AZIN2: variants seen among roughly 807,000 people sequenced by gnomAD.
AZIN2 encodes antizyme inhibitor 2, also known as ODC antizyme inhibitor-2.
In AZIN2, 28 loss-of-function variants were observed where a neutral mutation model predicts 47.8. That is an observed-to-expected ratio of 0.59 (90% confidence interval 0.43 to 0.80). The LOEUF (loss-of-function observed/expected upper bound fraction) is 0.80. Ranked by LOEUF, AZIN2 falls within the 30% of genes least tolerant of loss-of-function variation. The pLI, the probability that AZIN2 is intolerant of heterozygous loss-of-function variation, is 0.00. For missense variants in AZIN2, 535 were observed against 582.5 expected (o/e 0.92, Z 0.84); for synonymous variants, 221 against 239.4 (o/e 0.92, Z 0.71).
chr1:33,126,073 T>C (rs969156535), downstream of AZIN2, among the ~76,000 whole-genome samples: 6 of 152,238 alleles, frequency 3.9e-5, no homozygotes, highest in Admixed American at 3.9e-4. Context: ...AGCCTTACTT[T>C]TTCCTCCATA....
the AZIN2 span, among the ~76,000 whole-genome samples, chr1:33,151,783 C>T: frequency 2.0e-5 from 3 of 152,248 alleles, no homozygotes; most frequent in African/African-American, 7.2e-5. Flanking sequence ...GGATCATGGA[C>T]TGTGGAGGTC....
chr1:33,112,310 A>G (rs1168305975), intron 10 of AZIN2, among the ~76,000 whole-genome samples: 4 of 152,228 alleles, frequency 2.6e-5, no homozygotes, highest in Non-Finnish European at 5.9e-5. Flanking sequence ...GAGGAGATAT[A>G]TCAGAACATA....
At chr1:33,082,500 C>T in intron 4 of AZIN2, 146 bp downstream of exon 4, 2 of 605,214 alleles carry the variant, frequency 3.3e-6, no homozygotes, top group East Asian at 3.1e-5. Flanking sequence ...CTCAATTTAT[C>T]CCCAATTCTT....
chr1:33,157,668 T>C, the AZIN2 span, among the ~76,000 whole-genome samples: 20 of 152,194 alleles, frequency 1.3e-4, no homozygotes, highest in Admixed American at 4.6e-4. Flanking sequence ...TGTACCCTGT[T>C]GTATAGAAGG....
chr1:33,128,625 T>C, the AZIN2 span, among the ~76,000 whole-genome samples: 1 of 152,152 alleles, frequency 6.6e-6, no homozygotes, highest in Admixed American at 6.5e-5. Flanking sequence ...ATGATCCTAA[T>C]TGCCTTTAAA....
chr1:33,135,077 G>T, the AZIN2 span, among the ~76,000 whole-genome samples: 1 of 152,150 alleles, frequency 6.6e-6, no homozygotes, highest in African/African-American at 2.4e-5. Flanking sequence ...CCTGAGTCAG[G>T]AGTTTTAAGA....
the AZIN2 span, chr1:33,166,271 TAATAGA>T: frequency 6.6e-6 from 1 of 152,312 alleles, no homozygotes; most frequent in Non-Finnish European, 1.5e-5. Context: ...AATGAAATAA[TAATAGA>T]AATAAAGTGC....
rs1260061911 is a variant in AZIN2 at position 33,081,488 on chromosome 1, C to G, written c.-305C>G. The G allele has an allele frequency of 3.3e-5, 5 of 153,702 alleles. No homozygotes were observed. The highest frequency in any genetic ancestry group is 2.0e-4 in the Admixed American group (3 of 15,286). The allele number at this position is 153,702 out of a possible 1,614,324, so 9.5% of individuals were successfully genotyped here. Reference sequence around the variant, plus strand: ...TAGCAGCGCGCCTGGCTCTGGCCCCCGCGAAGGAGGACGGAGTTTGGTAAG... The same window carrying G: ...TAGCAGCGCGCCTGGCTCTGGCCCCGGCGAAGGAGGACGGAGTTTGGTAAG... On this transcript the variant is annotated 5_prime_UTR_variant, in exon 2 of 12. Transcript: ENST00000294517. This position sits in a 1 kb window ranked among gnomAD's most constrained non-coding sequence, Gnocchi z 4.2.
At chr1:33,114,418 A>G (rs1251993006) in intron 10 of AZIN2, among the ~76,000 whole-genome samples, 4 of 146,222 alleles carry the variant, frequency 2.7e-5, no homozygotes, top group African/African-American at 5.1e-5. Flanking sequence ...CAGTGGCGCA[A>G]TCTCGGCTCA....
chr1:33,101,099 T>C lies in AZIN2; in HGVS notation c.1029+2920T>C, dbSNP rs186965702. ...CTGGTCTCAAACTCCTGACCTCAAGTGATCCATCTGGCTCGGCCTCCCAAA... is the reference window on the plus strand; with the variant it reads ...CTGGTCTCAAACTCCTGACCTCAAGCGATCCATCTGGCTCGGCCTCCCAAA... On this transcript the variant is annotated intron_variant, in intron 10 of 11. Coordinates refer to ENST00000294517, the MANE Select transcript of AZIN2 (RefSeq NM_052998.4). Among the ~76,000 whole-genome samples the C allele has an allele frequency of 4.3e-3, 655 of 152,344 alleles. 5 individuals carry two copies. Among genetic ancestry groups the C allele is most frequent in the African/African-American group, 0.015 (622 of 41,580 alleles).
At chr1:33,123,691 C>T (rs1644834814), downstream of AZIN2, among the ~76,000 whole-genome samples, 1 of 152,036 alleles carries the variant, frequency 6.6e-6, no homozygotes. Context: ...GGTGAAACTC[C>T]ATCTCTACTA....
At chr1:33,094,200 C>T (rs1642891632) in intron 7 of AZIN2, among the ~76,000 whole-genome samples, 1 of 152,168 alleles carries the variant, frequency 6.6e-6, no homozygotes, top group South Asian at 2.1e-4. Context: ...GGTCTTGTCC[C>T]CGCATTATAG....
chr1:33,112,698 C>T (rs571976731), intron 10 of AZIN2, among the ~76,000 whole-genome samples: 98 of 152,148 alleles, frequency 6.4e-4, no homozygotes, highest in Non-Finnish European at 1.1e-3. Context: ...TATTGTCATT[C>T]GTTATATCTT....
chr1:33,124,284 G>C (rs1267812347), downstream of AZIN2, among the ~76,000 whole-genome samples: 2 of 152,204 alleles, frequency 1.3e-5, no homozygotes, highest in Non-Finnish European at 2.9e-5. This position sits in a 1 kb window ranked among gnomAD's most constrained non-coding sequence, Gnocchi z 4.6. Context: ...AGAGGACCTT[G>C]AATTACAAAG....
the AZIN2 span, among the ~76,000 whole-genome samples, chr1:33,136,318 TTTTC>T: frequency 6.7e-6 from 1 of 149,018 alleles, no homozygotes; most frequent in African/African-American, 2.5e-5. Flanking sequence ...CTTTCTTTCT[TTTTC>T]TTTCTTTCCT....
In AZIN2 at chr1:33,082,189, C is replaced by G. The variant is rs1336170818; in HGVS notation, c.-61C>G. ...CCCTCGCCCCGCAGTGTGTTGCATA[C>G]TTTCTAAGGCGGCGGCTGCAGCAGC... On this transcript the variant is annotated 5_prime_UTR_variant, in exon 4 of 12. Coordinates refer to ENST00000294517, the MANE Select transcript of AZIN2 (RefSeq NM_052998.4). 2 of 1,435,664 alleles carry G rather than the reference C, an allele frequency of 1.4e-6. No individual in the cohort carries two copies. Among genetic ancestry groups the G allele is most frequent in the South Asian group, 1.2e-5 (1 of 85,528 alleles). The allele number at this position is 1,435,664 out of a possible 1,614,324, so 88.9% of individuals were successfully genotyped here.
At chr1:33,117,562 C>T (rs906575403) in intron 10 of AZIN2, among the ~76,000 whole-genome samples, 1 of 152,240 alleles carries the variant, frequency 6.6e-6, no homozygotes, top group South Asian at 2.1e-4. Context: ...GCTCTCCATA[C>T]ACTAACTCAT....
chr1:33,094,132 G>C lies in AZIN2; in HGVS notation c.588-416G>C, dbSNP rs78973699. ...AGGGCTTCATTTATTCTGTACTTAG[G>C]TGTGCCAGGTGCTGTGCTAAGTGCT... On this transcript the variant is annotated intron_variant, in intron 7 of 11. Transcript: ENST00000294517. Among the ~76,000 whole-genome samples, 573 of 152,326 alleles carry C rather than the reference G, an allele frequency of 3.8e-3. 13 individuals carry two copies. The East Asian group carries it at 0.062, about 16-fold the overall frequency.
intron 5 of AZIN2, among the ~76,000 whole-genome samples, chr1:33,090,366 C>T (rs1466461773): frequency 6.6e-6 from 1 of 152,138 alleles, no homozygotes; most frequent in Non-Finnish European, 1.5e-5. Flanking sequence ...ATCATTTGTT[C>T]ATATCATTAA....
Sources: gnomAD v4.1 joint callset for allele counts (sites outside exome capture counted in the v4.1 genomes callset) on GRCh38, gnomAD v4.1.1 for gene constraint, Gnocchi (gnomAD v3.1) non-coding constraint, MANE v1.5 for transcripts, NCBI Gene and HGNC (gene_info 2026-07-23, HGNC 2026-07-21) for gene names.